JARID2: variants seen among roughly 807,000 people sequenced by gnomAD.
JARID2 encodes jumonji and AT-rich interaction domain containing 2.
A neutral mutation model predicts 125.6 loss-of-function variants in JARID2; 21 were observed. The observed-to-expected ratio is 0.17, with a 90% CI of 0.12 to 0.24. JARID2 has a LOEUF of 0.24. JARID2 is among the 10% of genes least tolerant of loss of function. JARID2 has a pLI of 1.00. For synonymous variants in JARID2, 736 were observed against 661.6 expected (o/e 1.11, Z -1.73); for missense variants, 1,303 against 1,639.6 (o/e 0.79, Z 3.55).
Position 15,368,584 on chromosome 6 carries a change from G to A in JARID2, c.46-5533G>A, listed in dbSNP as rs140717405. 1,603 of 372,160 alleles carry A rather than the reference G, an allele frequency of 4.3e-3. 11 individuals are homozygous for A. The highest frequency in any genetic ancestry group is 0.021 in the Middle Eastern group (50 of 2,384). 23.1% of individuals were successfully genotyped at this position (372,160 alleles called of 1,614,324 possible). The stretch of plus-strand genomic sequence containing the variant: ...GGGTTTTAAAGAGAAGTCATCCCAA[G>A]TTGAGTAACCAAAAGAGAAGGGTTT... On this transcript the variant is annotated intron_variant, in intron 1 of 17. Coordinates refer to ENST00000341776, the MANE Select transcript of JARID2 (RefSeq NM_004973.4).
At chr6:15,315,380 A>G (rs1217347004) in intron 1 of JARID2, among the ~76,000 whole-genome samples, 1 of 152,202 alleles carries the variant, frequency 6.6e-6, no homozygotes, top group Non-Finnish European at 1.5e-5. Flanking sequence ...GTTGATGCCC[A>G]TCTATACCAG....
At chr6:15,303,475 T>A (rs1761704784) in intron 1 of JARID2, among the ~76,000 whole-genome samples, 1 of 152,264 alleles carries the variant, frequency 6.6e-6, no homozygotes, top group Admixed American at 6.5e-5. Context: ...ACTTAACTCC[T>A]GGCCTTCCCT....
chr6:15,499,648 C>T (rs1315490765), intron 7 of JARID2, among the ~76,000 whole-genome samples: 1 of 152,158 alleles, frequency 6.6e-6, no homozygotes, highest in African/African-American at 2.4e-5. Context: ...TGAGTCCCAC[C>T]TGTGACTCTG....
At chr6:15,334,558 T>G (rs707831) in intron 1 of JARID2, among the ~76,000 whole-genome samples, 1 of 152,092 alleles carries the variant, frequency 6.6e-6, no homozygotes, top group African/African-American at 2.4e-5. Flanking sequence ...AGTTTTTGCA[T>G]ACTCCTTTTA....
intron 1 of JARID2, among the ~76,000 whole-genome samples, chr6:15,341,781 A>G (rs1763078045): frequency 6.6e-6 from 1 of 152,230 alleles, no homozygotes; most frequent in Admixed American, 6.5e-5. Context: ...ATCTGCATTG[A>G]TAGACTCAAT....
Position 15,518,316 on chromosome 6 carries a change from G to A in JARID2, c.3558+1048G>A, listed in dbSNP as rs116456731. On this transcript the variant is annotated intron_variant, in intron 17 of 17. Transcript: ENST00000341776. ...TCACCAGCAGCCTGTTTCTGTAGTC[G>A]GATGTGTGACGTGACCAGATCCTGG... Among the ~76,000 whole-genome samples, 511 of 152,278 alleles carry A rather than the reference G, an allele frequency of 3.4e-3. 3 individuals carry two copies. The highest frequency in any genetic ancestry group is 0.011 in the African/African-American group (472 of 41,540).
At chr6:15,372,350 T>C (rs1764201079) in intron 1 of JARID2, among the ~76,000 whole-genome samples, 1 of 152,164 alleles carries the variant, frequency 6.6e-6, no homozygotes, top group Admixed American at 6.5e-5. Flanking sequence ...TTACCTGGGA[T>C]ATTAATGTTA....
At chr6:15,486,858 A>AT (rs1769894679) in intron 5 of JARID2, among the ~76,000 whole-genome samples, 5 of 116,446 alleles carry the variant, frequency 4.3e-5, no homozygotes, top group Admixed American at 3.2e-4. Flanking sequence ...TTGATGGTTG[A>AT]TTCTTTCTGA....
intron 5 of JARID2, among the ~76,000 whole-genome samples, chr6:15,484,385 A>G (rs1322446600): frequency 6.6e-6 from 1 of 152,222 alleles, no homozygotes; most frequent in Non-Finnish European, 1.5e-5. Flanking sequence ...CCAGAGGAGT[A>G]GGAGGTTGTA....
intron 6 of JARID2, among the ~76,000 whole-genome samples, chr6:15,490,923 G>A (rs1309531399): frequency 6.6e-6 from 1 of 152,202 alleles, no homozygotes; most frequent in Non-Finnish European, 1.5e-5. Flanking sequence ...TTCTTACGCT[G>A]AGGCTGAGTG....
chr6:15,432,374 G>A (rs909916105), intron 3 of JARID2, among the ~76,000 whole-genome samples: 2 of 152,168 alleles, frequency 1.3e-5, no homozygotes, highest in Non-Finnish European at 2.9e-5. Context: ...GTGGCAGTGA[G>A]CTGAGATTGC....
At chr6:15,398,918 T>C (rs1765316936) in intron 2 of JARID2, among the ~76,000 whole-genome samples, 1 of 152,206 alleles carries the variant, frequency 6.6e-6, no homozygotes, top group Non-Finnish European at 1.5e-5. Context: ...TTACCAACCT[T>C]GCTGAGAATT....
At chr6:15,353,806 G>C (rs1032655494) in intron 1 of JARID2, among the ~76,000 whole-genome samples, 1 of 152,212 alleles carries the variant, frequency 6.6e-6, no homozygotes, top group Non-Finnish European at 1.5e-5. Flanking sequence ...AGAGATGGTA[G>C]TTTTGCATGA....
chr6:15,304,452 G>A (rs1048255443), intron 1 of JARID2, among the ~76,000 whole-genome samples: 4 of 152,124 alleles, frequency 2.6e-5, no homozygotes, highest in South Asian at 2.1e-4. Flanking sequence ...CTCCCAGTCC[G>A]TCCAAGTTGC....
chr6:15,387,932 G>T (rs1764850206), intron 2 of JARID2, among the ~76,000 whole-genome samples: 1 of 152,060 alleles, frequency 6.6e-6, no homozygotes, highest in East Asian at 1.9e-4. Flanking sequence ...TCTACCTTTT[G>T]TGACTCCCAG....
intron 3 of JARID2, among the ~76,000 whole-genome samples, chr6:15,416,349 G>T (rs1480931983): frequency 2.0e-5 from 3 of 152,190 alleles, no homozygotes; most frequent in Non-Finnish European, 4.4e-5. Flanking sequence ...CTGGGAGGTG[G>T]AGTTTGTAGC....
rs767785298 is a variant in JARID2 at position 15,520,752 on chromosome 6, C to G, written c.*501C>G. On this transcript the variant is annotated 3_prime_UTR_variant, in exon 18 of 18. Transcript: ENST00000341776. ...TTTGGCTGTCGTCTTCTGCCGTGTG[C>G]CAGATGAGCTTGTGATCTGGGAAGC... 1 of 455,796 alleles carries G rather than the reference C, an allele frequency of 2.2e-6. No individual in the cohort carries two copies. Among genetic ancestry groups the G allele is most frequent in the South Asian group, 1.5e-5 (1 of 64,550 alleles). 28.2% of individuals were successfully genotyped at this position (455,796 alleles called of 1,614,324 possible).
intron 2 of JARID2, among the ~76,000 whole-genome samples, chr6:15,393,398 T>C (rs923745700): frequency 1.3e-5 from 2 of 152,228 alleles, no homozygotes; most frequent in African/African-American, 4.8e-5. Context: ...TCCACGTAAA[T>C]AATGTTGGTA....
intron 12 of JARID2, chr6:15,509,238 G>A (rs1483462719): frequency 8.3e-7 from 1 of 1,207,088 alleles, no homozygotes; most frequent in African/African-American, 1.6e-5. Flanking sequence ...CGGCAGATGG[G>A]AAATGACTAC....
Sources: allele counts gnomAD v4.1 joint callset (sites outside exome capture counted in the v4.1 genomes callset), GRCh38; gene constraint gnomAD v4.1.1; transcripts MANE v1.5; gene names NCBI Gene and HGNC (gene_info 2026-07-23, HGNC 2026-07-21).